Variants in NARF observed in about 807,000 individuals in gnomAD.
The protein encoded by NARF is iron-only hydrogenase-like protein 2.
In NARF, 41 loss-of-function variants were observed where a neutral mutation model predicts 48.0. That is an observed-to-expected ratio of 0.85 (90% CI 0.66 to 1.11). The LOEUF is 1.11. NARF is among the 50% of genes least tolerant of loss of function. The pLI is 0.00. For synonymous variants in NARF, 215 were observed against 225.5 expected, an observed-to-expected ratio of 0.95 and a Z score of 0.42; for missense variants, 613 against 590.2, an observed-to-expected ratio of 1.04 and a Z score of -0.40.
intron 1 of NARF, chr17:82,459,530 A>ATG (rs1231013263): frequency 1.3e-5 from 2 of 158,092 alleles, no homozygotes; most frequent in Non-Finnish European, 1.4e-5. Flanking sequence ...AACAATAGAG[A>ATG]TGTGTGTGTG....
Position 82,488,819 on chromosome 17 carries a change from G to GC in NARF, c.*663dup, listed in dbSNP as rs2143982718. 6.5e-6 allele frequency: 1 copy of GC among 152,874 alleles called. No individual in the cohort carries two copies. Among genetic ancestry groups the GC allele is most frequent in the African/African-American group, 2.4e-5 (1 of 41,558 alleles). 9.5% of individuals were successfully genotyped at this position (152,874 alleles called of 1,614,324 possible). On this transcript the variant is annotated 3_prime_UTR_variant, in exon 11 of 11. Coordinates refer to ENST00000309794, the MANE Select transcript of NARF (RefSeq NM_012336.4). ...AAATCCAGAAAGTGTCCTGTGAAGA[G>GC]CTAGGACCCCCAGAGGTTCTAATGC... is the stretch of plus-strand genomic sequence containing the variant.
At position 82,471,181 on chromosome 17, in the gene NARF, C is replaced by T. The variant is rs1053612160; in HGVS notation, c.386-1383C>T. Among the ~76,000 whole-genome samples the T allele has an allele frequency of 3.7e-5, 5 of 135,276 alleles. No homozygotes were observed. The East Asian group carries it at 1.1e-3, about 31-fold the overall frequency. 88.7% of individuals were successfully genotyped at this position (135,276 alleles called of 152,430 possible). A position where few individuals can be genotyped will look rare whatever the true frequency, so the allele number is the denominator to read the frequency against. ...TGTCTGAAAAAAAAAAAAGGCTGGG[C>T]ATGTTGGCTCACGCCTGTAATCCCA... is the stretch of plus-strand genomic sequence containing the variant. On this transcript the variant is annotated intron_variant, in intron 4 of 10. Transcript: ENST00000309794.
At chr17:82,474,100 G>A in intron 5 of NARF, among the ~76,000 whole-genome samples, 1 of 152,112 alleles carries the variant, frequency 6.6e-6, no homozygotes, top group East Asian at 1.9e-4. Context: ...TGAGGTGTTT[G>A]AGCCAAGGAG....
chr17:82,464,284 T>C lies in NARF; in HGVS notation c.109-3T>C. On this transcript the variant is annotated splice_region_variant and splice_polypyrimidine_tract_variant and intron_variant, in intron 2 of 10. Transcript: ENST00000309794. ...AATCATGCTGAAACGTCATCTTTCA[T>C]AGAAGGGAGAATTCCACAAGTTGGC... 1 of 1,612,082 alleles carries C rather than the reference T, an allele frequency of 6.2e-7. No homozygotes were observed. Among genetic ancestry groups the C allele is most frequent in the South Asian group, 1.1e-5 (1 of 90,750 alleles).
At chr17:82,472,795 A>T (rs897813703) in intron 5 of NARF, 97 bp downstream of exon 5, 4 of 1,428,908 alleles carry the variant, frequency 2.8e-6, no homozygotes, top group Non-Finnish European at 3.7e-6. Flanking sequence ...AGACAGACCC[A>T]TCCCACCCAG....
In NARF at chr17:82,479,024, C is replaced by T. The variant is rs1028643363; in HGVS notation, c.639+106C>T. On this transcript the variant is annotated intron_variant, in intron 6 of 10. Transcript: ENST00000309794. Reference sequence around the variant, plus strand: ...ATCTGTCCAGCGTGGTCACGGCCCCCCAGGTGAGCAAAAAGGAAGCTGTGG... The same window carrying T: ...ATCTGTCCAGCGTGGTCACGGCCCCTCAGGTGAGCAAAAAGGAAGCTGTGG... 18 of 1,011,122 alleles carry T rather than the reference C, an allele frequency of 1.8e-5. No individual in the cohort carries two copies. In the African/African-American group the frequency reaches 2.9e-4, roughly 16 times the overall value. The allele number at this position is 1,011,122 out of a possible 1,614,324, so 62.6% of individuals were successfully genotyped here. A position where few individuals can be genotyped will look rare whatever the true frequency, so the allele number is the denominator to read the frequency against.
At chr17:82,481,871 A>G (rs2043972890) in intron 7 of NARF, 1 of 349,794 alleles carries the variant, frequency 2.9e-6, no homozygotes, top group South Asian at 2.0e-5. Context: ...TCTCCTAATC[A>G]CAAACCAAGT....
chr17:82,458,631 C>T, upstream of NARF: 1 of 796,346 alleles, frequency 1.3e-6, no homozygotes, highest in Non-Finnish European at 1.8e-6. Flanking sequence ...CCTATTGGCC[C>T]AGGGGTGCGG....
intron 6 of NARF, among the ~76,000 whole-genome samples, chr17:82,480,160 T>C (rs1019455463): frequency 6.6e-6 from 1 of 152,220 alleles, no homozygotes; most frequent in Non-Finnish European, 1.5e-5. Flanking sequence ...AACTGCTGGC[T>C]CCTGGCTTTG....
intron 4 of NARF, among the ~76,000 whole-genome samples, chr17:82,471,723 C>T (rs61131400): frequency 3.6e-5 from 5 of 138,608 alleles, no homozygotes; most frequent in African/African-American, 5.5e-5. Flanking sequence ...ACCCAAGAGG[C>T]GGAGCTTGCA....
At chr17:82,482,467 T>G (rs554507556) in intron 7 of NARF, 1 of 80,514 alleles carries the variant, frequency 1.2e-5, no homozygotes, top group African/African-American at 7.4e-5. Flanking sequence ...CAGCCATCTT[T>G]TTTCTGAGTG....
rs2044142757 is a variant in NARF at position 82,488,245 on chromosome 17, A to G, written c.*88A>G. The G allele has an allele frequency of 6.6e-7, 1 of 1,517,698 alleles. No homozygotes were observed. Among genetic ancestry groups the G allele is most frequent in the Non-Finnish European group, 8.8e-7 (1 of 1,135,818 alleles). The allele number at this position is 1,517,698 out of a possible 1,614,324, so 94.0% of individuals were successfully genotyped here. ...GGGGCTGCCCTGAGTGGAGTATTAA[A>G]GACACTTAAGAAAACCGCTCAATGG... On this transcript the variant is annotated 3_prime_UTR_variant, in exon 11 of 11. Transcript: ENST00000309794.
chr17:82,478,411 C>T (rs1226974571), intron 5 of NARF, among the ~76,000 whole-genome samples: 1 of 152,250 alleles, frequency 6.6e-6, no homozygotes, highest in Non-Finnish European at 1.5e-5. Context: ...CTCCCCTGAG[C>T]GGTAGCTGCG....
intron 7 of NARF, chr17:82,481,731 A>AG: frequency 1.0e-5 from 1 of 95,634 alleles, no homozygotes; most frequent in East Asian, 3.3e-4. Context: ...ACTTTGTCTC[A>AG]AAAAAAAAAA....
chr17:82,471,564 G>A (rs1350921549), intron 4 of NARF, among the ~76,000 whole-genome samples: 29 of 149,482 alleles, frequency 1.9e-4, no homozygotes, highest in Admixed American at 6.1e-4. Context: ...AGGCCGAGGC[G>A]GGCGGATCAC....
At chr17:82,461,611 A>C (rs2043440561) in intron 2 of NARF, among the ~76,000 whole-genome samples, 1 of 152,112 alleles carries the variant, frequency 6.6e-6, no homozygotes, top group African/African-American at 2.4e-5. Context: ...ACTCCGTCTC[A>C]AAAAAAAGAA....
chr17:82,486,834 A>G (rs2044105965), intron 10 of NARF, among the ~76,000 whole-genome samples: 1 of 152,208 alleles, frequency 6.6e-6, no homozygotes, highest in Non-Finnish European at 1.5e-5. Flanking sequence ...ATTGTTTTAA[A>G]TGAACTCTTA....
Position 82,489,133 on chromosome 17 carries a change from C to T in NARF, c.*976C>T, listed in dbSNP as rs1045428011. 1 of 155,176 alleles carries T rather than the reference C, an allele frequency of 6.4e-6. No homozygotes were observed. The highest frequency in any genetic ancestry group is 6.5e-5 in the Admixed American group (1 of 15,310). The allele number at this position is 155,176 out of a possible 1,614,324, so 9.6% of individuals were successfully genotyped here. ...CAACAGTAGGCCCCATTCCTCACAG[C>T]CAGTCACCACCCTCCTCCCATTCCT... On this transcript the variant is annotated 3_prime_UTR_variant, in exon 11 of 11. Transcript: ENST00000309794.
chr17:82,469,583 G>GT (rs1056513350), intron 4 of NARF, among the ~76,000 whole-genome samples: 23 of 151,750 alleles, frequency 1.5e-4, no homozygotes, highest in Non-Finnish European at 2.8e-4. Flanking sequence ...CAAATAAGAG[G>GT]TTTTTTTTGT....
Sources: gnomAD v4.1 joint callset for allele counts (sites outside exome capture counted in the v4.1 genomes callset) on GRCh38, gnomAD v4.1.1 for gene constraint, MANE v1.5 for transcripts, NCBI Gene and HGNC (gene_info 2026-07-23, HGNC 2026-07-21) for gene names.